Variants in ARB2A observed in about 807,000 individuals in gnomAD.
ARB2A encodes ARB2 cotranscriptional regulator A.
chr5:94,028,027 G>A, the ARB2A span, among the ~76,000 whole-genome samples: 1 of 152,190 alleles, frequency 6.6e-6, no homozygotes, highest in Non-Finnish European at 1.5e-5. Context: ...CCACACATGT[G>A]GTCAAAGAAG....
At chr5:94,092,960 T>A in the ARB2A span, among the ~76,000 whole-genome samples, 1 of 152,180 alleles carries the variant, frequency 6.6e-6, no homozygotes, top group African/African-American at 2.4e-5. Flanking sequence ...AAGGTAAATA[T>A]TTTCAATTGA....
At chr5:93,851,553 T>C in the ARB2A span, among the ~76,000 whole-genome samples, 1 of 152,160 alleles carries the variant, frequency 6.6e-6, no homozygotes, top group African/African-American at 2.4e-5. Flanking sequence ...GCTGCACCCA[T>C]TAACTCGTCA....
the ARB2A span, among the ~76,000 whole-genome samples, chr5:94,035,312 G>C: frequency 1.3e-5 from 2 of 151,668 alleles, no homozygotes; most frequent in Non-Finnish European, 2.9e-5. Context: ...CTTTTGGTGA[G>C]TAAATCTAGG....
At chr5:93,982,353 C>T in the ARB2A span, among the ~76,000 whole-genome samples, 3 of 152,032 alleles carry the variant, frequency 2.0e-5, no homozygotes, top group African/African-American at 7.2e-5. Context: ...TATATATATA[C>T]TGCATCCTAT....
chr5:93,994,275 C>A, the ARB2A span, among the ~76,000 whole-genome samples: 1 of 152,114 alleles, frequency 6.6e-6, no homozygotes, highest in Admixed American at 6.5e-5. Context: ...AAATGTCCAT[C>A]GATGGCTGAA....
the ARB2A span, among the ~76,000 whole-genome samples, chr5:93,904,853 G>A: frequency 6.6e-6 from 1 of 151,624 alleles, no homozygotes; most frequent in African/African-American, 2.4e-5. Context: ...ATTTATGCAG[G>A]TAAATTATTA....
At chr5:94,017,914 C>T in the ARB2A span, among the ~76,000 whole-genome samples, 2 of 152,066 alleles carry the variant, frequency 1.3e-5, no homozygotes, top group Admixed American at 6.6e-5. Context: ...ATCATGGAGG[C>T]CGTTCTTTTC....
At chr5:93,707,854 G>C in the ARB2A span, among the ~76,000 whole-genome samples, 1 of 151,906 alleles carries the variant, frequency 6.6e-6, no homozygotes, top group Admixed American at 6.6e-5. Flanking sequence ...GGATTACAGG[G>C]ATGAGCCACC....
the ARB2A span, among the ~76,000 whole-genome samples, chr5:93,717,717 AAT>A: frequency 6.6e-6 from 1 of 152,148 alleles, no homozygotes; most frequent in Non-Finnish European, 1.5e-5. Flanking sequence ...ACTTTCTATT[AAT>A]ATGTCATTTA....
the ARB2A span, among the ~76,000 whole-genome samples, chr5:94,036,906 G>C: frequency 6.6e-6 from 1 of 152,070 alleles, no homozygotes; most frequent in East Asian, 1.9e-4. Context: ...GGGTTGGTAG[G>C]TTTTATTTCA....
At chr5:93,651,567 G>A in the ARB2A span, among the ~76,000 whole-genome samples, 1 of 152,124 alleles carries the variant, frequency 6.6e-6, no homozygotes, top group South Asian at 2.1e-4. Context: ...GACAGAATAA[G>A]TTCTTTAGGC....
the ARB2A span, among the ~76,000 whole-genome samples, chr5:93,873,272 A>G: frequency 1.4e-5 from 2 of 143,926 alleles, no homozygotes; most frequent in Non-Finnish European, 3.0e-5. Flanking sequence ...AGCCTGCGTG[A>G]CAGAGTAAGA....
chr5:94,069,083 T>TAGATAGAC, the ARB2A span, among the ~76,000 whole-genome samples: 1 of 151,798 alleles, frequency 6.6e-6, no homozygotes, highest in African/African-American at 2.4e-5. Flanking sequence ...GATAGATAGA[T>TAGATAGAC]AGATAGACTA....
chr5:94,025,868 T>C, the ARB2A span, among the ~76,000 whole-genome samples: 3 of 152,218 alleles, frequency 2.0e-5, no homozygotes, highest in Non-Finnish European at 2.9e-5. Flanking sequence ...GAAGATGCTC[T>C]GTCCGATCAG....
chr5:93,812,818 C>A, the ARB2A span, among the ~76,000 whole-genome samples: 1 of 152,118 alleles, frequency 6.6e-6, no homozygotes, highest in Non-Finnish European at 1.5e-5. Context: ...TTCTAATGCT[C>A]TTTAACAAGC....
At chr5:94,107,214 C>T in the ARB2A span, among the ~76,000 whole-genome samples, 6 of 152,058 alleles carry the variant, frequency 3.9e-5, no homozygotes, top group South Asian at 2.1e-4. Flanking sequence ...ATCTCAATTA[C>T]GTATATTACA....
the ARB2A span, among the ~76,000 whole-genome samples, chr5:93,679,738 C>T: frequency 2.0e-5 from 3 of 152,076 alleles, no homozygotes; most frequent in Non-Finnish European, 2.9e-5. Context: ...TTTACATACA[C>T]AATTTTATGC....
chr5:93,779,997 T>C, the ARB2A span, among the ~76,000 whole-genome samples: 2 of 152,168 alleles, frequency 1.3e-5, no homozygotes, highest in Non-Finnish European at 2.9e-5. Flanking sequence ...TACAATTTAG[T>C]ATATTATATT....
At chr5:94,082,698 ATT>A in the ARB2A span, among the ~76,000 whole-genome samples, 1 of 146,698 alleles carries the variant, frequency 6.8e-6, no homozygotes, top group Non-Finnish European at 1.5e-5. Context: ...TTCAGAATAG[ATT>A]TTTTTTTTTT....
Sources: allele counts gnomAD v4.1 joint callset (sites outside exome capture counted in the v4.1 genomes callset), GRCh38; gene constraint gnomAD v4.1.1; transcripts MANE v1.5; gene names NCBI Gene and HGNC (gene_info 2026-07-23, HGNC 2026-07-21).